FRMPD4: variants seen among roughly 807,000 people sequenced by gnomAD.
FRMPD4 encodes the protein FERM and PDZ domain-containing protein 4.
FRMPD4 carries 22 observed loss-of-function variants against 94.1 expected under a neutral mutation model. That is an observed-to-expected ratio of 0.23 (90% confidence interval 0.17 to 0.33). The LOEUF is 0.33. Ranked by LOEUF, FRMPD4 falls within the 10% of genes least tolerant of loss-of-function variation. FRMPD4 has a pLI of 1.00. For synonymous variants in FRMPD4, 631 were observed against 548.6 expected, an observed-to-expected ratio of 1.15 and a Z score of -2.10; for missense variants, 1,111 against 1,339.9, an observed-to-expected ratio of 0.83 and a Z score of 2.67.
chrX:12,180,304 C>T (rs1322739353), intron 1 of FRMPD4, among the ~76,000 whole-genome samples: 2 of 111,996 alleles, frequency 1.8e-5, no homozygotes, highest in Non-Finnish European at 3.8e-5. Flanking sequence ...TGGAACATTT[C>T]CATTAACATA....
chrX:11,941,917 C>G (rs983165827), intron 3 of FRMPD4, among the ~76,000 whole-genome samples: 1 of 111,649 alleles, frequency 9.0e-6, no homozygotes, highest in Non-Finnish European at 1.9e-5. Context: ...AGTTGTCACT[C>G]GTCAGTTGTG....
intron 1 of FRMPD4, among the ~76,000 whole-genome samples, chrX:11,847,739 G>A (rs1167160741): frequency 9.2e-6 from 1 of 108,767 alleles, no homozygotes; most frequent in East Asian, 2.9e-4. Context: ...GTAGGGACAT[G>A]GATGAAATTG....
chrX:12,223,748 A>G (rs1175132040), intron 1 of FRMPD4, among the ~76,000 whole-genome samples: 1 of 111,851 alleles, frequency 8.9e-6, no homozygotes, highest in South Asian at 3.8e-4. Flanking sequence ...TAGCCATTCT[A>G]GTGGGTATTA....
At chrX:11,962,757 C>T (rs2054290172) in intron 3 of FRMPD4, among the ~76,000 whole-genome samples, 2 of 111,860 alleles carry the variant, frequency 1.8e-5, no homozygotes, top group Admixed American at 9.5e-5. Flanking sequence ...GAACAGCTGG[C>T]AAAGCAGACA....
chrX:11,901,459 T>C (rs755761026), intron 3 of FRMPD4, among the ~76,000 whole-genome samples: 1 of 112,721 alleles, frequency 8.9e-6, no homozygotes, highest in South Asian at 3.7e-4. Context: ...AGTAGTATTC[T>C]TTGGTATACA....
intron 1 of FRMPD4, among the ~76,000 whole-genome samples, chrX:12,170,147 A>G (rs2056195655): frequency 9.3e-6 from 1 of 107,725 alleles, no homozygotes; most frequent in Admixed American, 1.0e-4. Context: ...GCTTGCTTTG[A>G]TTTAGACACT....
intron 3 of FRMPD4, among the ~76,000 whole-genome samples, chrX:11,959,735 T>A (rs2054274735): frequency 9.0e-6 from 1 of 111,030 alleles, no homozygotes; most frequent in Admixed American, 9.5e-5. Flanking sequence ...TAGTGAAGGG[T>A]GGTTATAACT....
chrX:12,326,814 A>T (rs766527294), intron 1 of FRMPD4, among the ~76,000 whole-genome samples: 1 of 111,111 alleles, frequency 9.0e-6, no homozygotes, highest in African/African-American at 3.3e-5. Flanking sequence ...AAAAATTAAA[A>T]ATTAGCCAGG....
At chrX:12,404,684 G>T (rs2056647332) in intron 1 of FRMPD4, among the ~76,000 whole-genome samples, 1 of 111,812 alleles carries the variant, frequency 8.9e-6, no homozygotes, top group South Asian at 3.7e-4. Flanking sequence ...TCCTTCTGTT[G>T]TACTCTATGT....
intron 4 of FRMPD4, among the ~76,000 whole-genome samples, chrX:12,623,943 C>T: frequency 8.9e-6 from 1 of 112,005 alleles, no homozygotes; most frequent in Non-Finnish European, 1.9e-5. Context: ...ATTTGGGAGG[C>T]TGAGGCTAGA....
intron 1 of FRMPD4, among the ~76,000 whole-genome samples, chrX:12,245,505 A>G (rs1159969484): frequency 1.4e-5 from 1 of 73,363 alleles, no homozygotes; most frequent in African/African-American, 5.1e-5. Flanking sequence ...CTCCTCTCTT[A>G]TGTCCTCTTT....
intron 3 of FRMPD4, among the ~76,000 whole-genome samples, chrX:11,993,420 C>G (rs2054476583): frequency 9.0e-6 from 1 of 111,691 alleles, no homozygotes; most frequent in Admixed American, 9.5e-5. Context: ...ACCCTAGCCT[C>G]TACTCACTAG....
At chrX:12,213,203 T>C (rs1432429944) in intron 1 of FRMPD4, among the ~76,000 whole-genome samples, 3 of 111,855 alleles carry the variant, frequency 2.7e-5, no homozygotes, top group Admixed American at 1.9e-4. Flanking sequence ...TCTTCCAGAA[T>C]GGAATATACT....
At chrX:11,867,479 C>A (rs2053727811) in intron 2 of FRMPD4, among the ~76,000 whole-genome samples, 1 of 111,618 alleles carries the variant, frequency 9.0e-6, no homozygotes, top group African/African-American at 3.3e-5. Context: ...TGACAGACCC[C>A]TTGATAACTC....
chrX:12,464,883 A>G (rs1343897990), intron 1 of FRMPD4, among the ~76,000 whole-genome samples: 1 of 111,971 alleles, frequency 8.9e-6, no homozygotes, highest in African/African-American at 3.2e-5. Context: ...CAGAATAGGA[A>G]AAGCAATGGA....
At chrX:11,859,103 C>T (rs1051036400) in intron 1 of FRMPD4, among the ~76,000 whole-genome samples, 3 of 111,812 alleles carry the variant, frequency 2.7e-5, no homozygotes, top group African/African-American at 9.7e-5. Flanking sequence ...TCAACATTTG[C>T]GTACATAATA....
chrX:12,448,401 C>T (rs749568850), intron 1 of FRMPD4, among the ~76,000 whole-genome samples: 75 of 111,797 alleles, frequency 6.7e-4, no homozygotes, highest in Admixed American at 1.2e-3. Context: ...TTCTTGGCCC[C>T]GAAACACTTT....
chrX:12,055,548 T>C (rs1363716146), intron 3 of FRMPD4, among the ~76,000 whole-genome samples: 1 of 112,171 alleles, frequency 8.9e-6, no homozygotes, highest in Non-Finnish European at 1.9e-5. Flanking sequence ...GCTGGTGCCA[T>C]GTTTCTTGTA....
intron 3 of FRMPD4, among the ~76,000 whole-genome samples, chrX:12,063,063 A>G (rs887323158): frequency 8.9e-6 from 1 of 111,857 alleles, no homozygotes; most frequent in Non-Finnish European, 1.9e-5. Flanking sequence ...TTTCTGGTAG[A>G]CCTCTTTATT....
Sources: gnomAD v4.1 joint callset for allele counts (sites outside exome capture counted in the v4.1 genomes callset) on GRCh38, gnomAD v4.1.1 for gene constraint, MANE v1.5 for transcripts, NCBI Gene and HGNC (gene_info 2026-07-23, HGNC 2026-07-21) for gene names.